TBC1D32: variants seen among roughly 807,000 people sequenced by gnomAD.
TBC1D32 encodes TBC1 domain family member 32, also known as protein broad-minded.
TBC1D32 carries 151 observed loss-of-function variants against 170.3 expected under a neutral mutation model. That is an observed-to-expected ratio of 0.89 (90% CI 0.78 to 1.01). TBC1D32 has a LOEUF of 1.01. TBC1D32 is among the 50% of genes least tolerant of loss of function. The pLI, the probability that TBC1D32 is intolerant of heterozygous loss-of-function variation, is 0.00. For missense variants in TBC1D32, 1,464 were observed against 1,457.1 expected, an observed-to-expected ratio of 1.00 and a Z score of -0.08; for synonymous variants, 498 against 488.0, an observed-to-expected ratio of 1.02 and a Z score of -0.27.
chr6:121,170,633 T>C (rs769975342), intron 22 of TBC1D32: 23 of 711,340 alleles, frequency 3.2e-5, no homozygotes, highest in Admixed American at 7.7e-5. Flanking sequence ...AATCTAAATC[T>C]AACAGAAAGT....
chr6:121,117,441 C>G (rs891971600), intron 26 of TBC1D32, among the ~76,000 whole-genome samples: 1 of 152,092 alleles, frequency 6.6e-6, no homozygotes, highest in Non-Finnish European at 1.5e-5. Context: ...GTGGCACAAG[C>G]CTGTAATCCC....
At chr6:121,317,437 G>T in intron 3 of TBC1D32, 58 bp downstream of exon 3, 1 of 1,286,902 alleles carries the variant, frequency 7.8e-7, no homozygotes, top group Non-Finnish European at 1.0e-6. Flanking sequence ...ATAATTTATT[G>T]AAGCTAATTA....
intron 20 of TBC1D32, among the ~76,000 whole-genome samples, chr6:121,238,266 A>C (rs1465992845): frequency 1.3e-5 from 2 of 152,098 alleles, no homozygotes; most frequent in African/African-American, 4.8e-5. Flanking sequence ...AAATCTGTTA[A>C]ATCCAGAATC....
chr6:121,307,661 A>C (rs1807533245), intron 5 of TBC1D32, among the ~76,000 whole-genome samples: 1 of 152,138 alleles, frequency 6.6e-6, no homozygotes, highest in Admixed American at 6.5e-5. Context: ...GGAGTTCGAG[A>C]CCAGCCCGGC....
intron 5 of TBC1D32, 146 bp downstream of exon 5, chr6:121,307,830 C>A: frequency 1.1e-6 from 1 of 876,892 alleles, no homozygotes; most frequent in South Asian, 1.9e-5. Context: ...CCAGTGCACT[C>A]CAGCCTGGGC....
chr6:121,154,338 C>T (rs1304814292), intron 24 of TBC1D32, among the ~76,000 whole-genome samples: 2 of 152,132 alleles, frequency 1.3e-5, no homozygotes, highest in Non-Finnish European at 2.9e-5. Context: ...CTAACCAGTC[C>T]CAGTGAGATG....
chr6:121,173,914 A>C (rs1404006244), intron 22 of TBC1D32, among the ~76,000 whole-genome samples: 1 of 19,594 alleles, frequency 5.1e-5, no homozygotes, highest in Non-Finnish European at 7.4e-4. Context: ...GTGCTATAAG[A>C]AAAAATAAAA....
chr6:121,187,754 CAAA>C lies in TBC1D32; in HGVS notation c.2570+17318_2570+17320del, dbSNP rs67915120. 6.8e-3 allele frequency among the ~76,000 whole-genome samples: 875 copies of C among 128,486 alleles called. 6 individuals are homozygous for C. The highest frequency in any genetic ancestry group is 9.5e-3 in the Admixed American group (121 of 12,790). The allele number at this position is 128,486 out of a possible 152,430, so 84.3% of individuals were successfully genotyped here. ...TCCCATGAAGGCTGATGCTCAGGGC[CAAA>C]AAAAAAAAAAAAAAAAGTCCTACAG... is the stretch of plus-strand genomic sequence containing the variant. On this transcript the variant is annotated intron_variant, in intron 22 of 31. Transcript: ENST00000398212.
At chr6:121,296,904 T>C (rs1805726022) in intron 10 of TBC1D32, among the ~76,000 whole-genome samples, 2 of 152,052 alleles carry the variant, frequency 1.3e-5, no homozygotes, top group Non-Finnish European at 2.9e-5. Context: ...CAAAACACTG[T>C]CTCCAAAATA....
rs181811193 is a variant in TBC1D32, at chr6:121,211,124, T to A, written c.2482-5961A>T. Among the ~76,000 whole-genome samples the A allele has an allele frequency of 3.5e-3, 529 of 151,894 alleles. 3 individuals are homozygous for A. Among genetic ancestry groups the A allele is most frequent in the Middle Eastern group, 0.02 (6 of 294 alleles). On this transcript the variant is annotated intron_variant, in intron 21 of 31. Coordinates refer to ENST00000398212, the MANE Select transcript of TBC1D32 (RefSeq NM_152730.6). ...CTGGATAAACTCTAGCACATCCACA[T>A]AATGGACTATTATGCAACTGTGGGC... is the stretch of plus-strand genomic sequence containing the variant.
chr6:121,281,099 A>C (rs1802916930), intron 14 of TBC1D32, among the ~76,000 whole-genome samples: 1 of 151,864 alleles, frequency 6.6e-6, no homozygotes, highest in African/African-American at 2.4e-5. Flanking sequence ...ACATCTGTTC[A>C]AATTGGAATT....
At chr6:121,115,881 A>G (rs1230422209) in intron 26 of TBC1D32, 1 of 152,244 alleles carries the variant, frequency 6.6e-6, no homozygotes, top group African/African-American at 2.4e-5. Context: ...TACAAAGTCC[A>G]TTTCAGAATA....
intron 9 of TBC1D32, among the ~76,000 whole-genome samples, chr6:121,302,126 C>T (rs981239168): frequency 6.6e-6 from 1 of 152,110 alleles, no homozygotes; most frequent in Non-Finnish European, 1.5e-5. Context: ...AAGAAATCCT[C>T]ATAGTATATC....
intron 22 of TBC1D32, chr6:121,170,571 C>T: frequency 1.4e-6 from 2 of 1,398,576 alleles, no homozygotes; most frequent in Non-Finnish European, 1.9e-6. Flanking sequence ...TAAAATATGT[C>T]CCAAAAGCAT....
intron 15 of TBC1D32, among the ~76,000 whole-genome samples, chr6:121,275,307 G>A (rs1274841556): frequency 6.6e-6 from 1 of 152,208 alleles, no homozygotes; most frequent in African/African-American, 2.4e-5. Flanking sequence ...GCTGAAAGTA[G>A]TTGTCTCTAG....
chr6:121,208,942 A>G (rs759572398), intron 21 of TBC1D32, among the ~76,000 whole-genome samples: 5 of 152,102 alleles, frequency 3.3e-5, no homozygotes, highest in Non-Finnish European at 5.9e-5. Context: ...GAGGGTGAAG[A>G]TATCCCCATA....
intron 10 of TBC1D32, among the ~76,000 whole-genome samples, chr6:121,296,124 G>A (rs1805599262): frequency 6.6e-6 from 1 of 152,096 alleles, no homozygotes; most frequent in Admixed American, 6.6e-5. Flanking sequence ...CACATAAGTT[G>A]CCACAATTCA....
chr6:121,274,120 G>C (rs1280573997), intron 15 of TBC1D32, among the ~76,000 whole-genome samples: 9 of 152,104 alleles, frequency 5.9e-5, no homozygotes. Flanking sequence ...AGATCATGAG[G>C]TCGGGAGGTG....
chr6:121,093,895 T>C (rs1777107475), intron 30 of TBC1D32, among the ~76,000 whole-genome samples: 1 of 152,148 alleles, frequency 6.6e-6, no homozygotes, highest in African/African-American at 2.4e-5. Flanking sequence ...ATGTTATTAT[T>C]TAACAAATAT....
Sources: gnomAD v4.1 joint callset for allele counts (sites outside exome capture counted in the v4.1 genomes callset) on GRCh38, gnomAD v4.1.1 for gene constraint, MANE v1.5 for transcripts, NCBI Gene and HGNC (gene_info 2026-07-23, HGNC 2026-07-21) for gene names.